GRM7: variants seen among roughly 807,000 people sequenced by gnomAD.
The protein encoded by GRM7 is glutamate metabotropic receptor 7.
In GRM7, 35 loss-of-function variants were observed where a neutral mutation model predicts 84.5. The observed-to-expected ratio is 0.41, with a 90% CI of 0.32 to 0.55. The LOEUF (loss-of-function observed/expected upper bound fraction) is 0.55, where lower values mean the gene tolerates loss of function less well. GRM7 is among the 20% of genes least tolerant of loss of function. The pLI, the probability that GRM7 is intolerant of heterozygous loss-of-function variation, is 0.19. For missense variants in GRM7, 1,003 were observed against 1,194.6 expected (o/e 0.84, Z 2.36); for synonymous variants, 487 against 455.1 (o/e 1.07, Z -0.89).
chr3:7,009,907 A>G (rs940274410), intron 1 of GRM7, among the ~76,000 whole-genome samples: 1 of 152,202 alleles, frequency 6.6e-6, no homozygotes, highest in Admixed American at 6.5e-5. Context: ...TCAGACTCCA[A>G]AATGTTAAGA....
At chr3:7,573,648 AT>A (rs1575511032) in intron 7 of GRM7, among the ~76,000 whole-genome samples, 1 of 152,180 alleles carries the variant, frequency 6.6e-6, no homozygotes, top group East Asian at 1.9e-4. Context: ...GCCAGACACC[AT>A]TTTTTCCCCC....
At chr3:6,967,364 T>G (rs1296237496) in intron 1 of GRM7, among the ~76,000 whole-genome samples, 1 of 151,980 alleles carries the variant, frequency 6.6e-6, no homozygotes, top group Non-Finnish European at 1.5e-5. Flanking sequence ...AGCTACTCCT[T>G]TTTGTGCGTT....
chr3:7,064,547 G>GGA (rs1559415618), intron 1 of GRM7, among the ~76,000 whole-genome samples: 1 of 84,152 alleles, frequency 1.2e-5, no homozygotes, highest in African/African-American at 6.0e-5. Flanking sequence ...CATCATGTAT[G>GGA]GATATATATA....
At chr3:7,043,177 C>T (rs530038718) in intron 1 of GRM7, among the ~76,000 whole-genome samples, 94 of 152,312 alleles carry the variant, frequency 6.2e-4, no homozygotes, top group Admixed American at 1.2e-3. Context: ...TCTTTCTTGG[C>T]TTCAGGCAGT....
At chr3:7,121,253 T>C (rs147642899) in intron 1 of GRM7, among the ~76,000 whole-genome samples, 103 of 152,268 alleles carry the variant, frequency 6.8e-4, no homozygotes, top group African/African-American at 2.2e-3. Flanking sequence ...TATTCACTGA[T>C]AGAAAGAAGA....
chr3:7,390,496 C>T (rs945741080), intron 4 of GRM7, among the ~76,000 whole-genome samples: 1 of 151,940 alleles, frequency 6.6e-6, no homozygotes, highest in African/African-American at 2.4e-5. Flanking sequence ...GATTCGGTCA[C>T]CTTATATAAT....
chr3:7,334,993 TAGACAGGTCATCAAGATAGAAAGTCA>T (rs148925661), intron 4 of GRM7, among the ~76,000 whole-genome samples: 5,914 of 152,180 alleles, frequency 0.039, 238 homozygotes, highest in African/African-American at 0.1. Flanking sequence ...TTGACAGCAC[TAGACAGGTCATCAAGATAGAAAGTCA>T]ACAAAGAAAC....
intron 1 of GRM7, among the ~76,000 whole-genome samples, chr3:6,866,009 C>A (rs911206538): frequency 1.3e-5 from 2 of 152,102 alleles, no homozygotes; most frequent in Non-Finnish European, 2.9e-5. Flanking sequence ...TTAAAAAGAG[C>A]AGAGGGAAGG....
intron 7 of GRM7, among the ~76,000 whole-genome samples, chr3:7,573,936 A>G (rs1694831907): frequency 1.3e-5 from 2 of 152,178 alleles, no homozygotes; most frequent in African/African-American, 2.4e-5. Context: ...CGTGACTGCA[A>G]TTAGTAGATG....
At chr3:6,898,976 C>T (rs554165400) in intron 1 of GRM7, among the ~76,000 whole-genome samples, 2 of 152,028 alleles carry the variant, frequency 1.3e-5, no homozygotes, top group Non-Finnish European at 2.9e-5. Flanking sequence ...TCTTGACTTC[C>T]ATCAATTTAC....
At chr3:7,702,326 G>A (rs1374339688) in intron 9 of GRM7, among the ~76,000 whole-genome samples, 3 of 152,178 alleles carry the variant, frequency 2.0e-5, no homozygotes, top group African/African-American at 7.2e-5. Context: ...AGTCTCCTGG[G>A]TGATGCCCAT....
chr3:7,488,946 G>T (rs1222567871), intron 7 of GRM7, among the ~76,000 whole-genome samples: 1 of 151,890 alleles, frequency 6.6e-6, no homozygotes, highest in South Asian at 2.1e-4. Context: ...TACATAGATG[G>T]TGACAGGGTG....
chr3:6,936,617 G>A lies in GRM7; in HGVS notation c.519+74710G>A, dbSNP rs190395703. ...AAATTGTTTATGCTGGAGTTGTTATGTGATTTTTCTCTCCTGATTGGACCC... is the reference window on the plus strand; with the variant it reads ...AAATTGTTTATGCTGGAGTTGTTATATGATTTTTCTCTCCTGATTGGACCC... On this transcript the variant is annotated intron_variant, in intron 1 of 9. Transcript: ENST00000357716. Among the ~76,000 whole-genome samples, 10 of 152,184 alleles carry A rather than the reference G, an allele frequency of 6.6e-5. No homozygotes were observed. The East Asian group carries it at 1.9e-3, about 29-fold the overall frequency.
chr3:7,552,924 C>T (rs544489530), intron 7 of GRM7, among the ~76,000 whole-genome samples: 4 of 152,324 alleles, frequency 2.6e-5, no homozygotes, highest in African/African-American at 9.6e-5. Context: ...CCTTGAATTT[C>T]TCCTCAGAAA....
chr3:7,540,474 A>G (rs1243423332), intron 7 of GRM7, among the ~76,000 whole-genome samples: 1 of 152,218 alleles, frequency 6.6e-6, no homozygotes, highest in South Asian at 2.1e-4. Flanking sequence ...AAGTAGCTAG[A>G]TACCCAAAAA....
chr3:7,551,793 G>T (rs1393569490), intron 7 of GRM7, among the ~76,000 whole-genome samples: 2 of 152,022 alleles, frequency 1.3e-5, no homozygotes, highest in Non-Finnish European at 2.9e-5. Context: ...TACATGGTAG[G>T]CTCGTGTATT....
intron 1 of GRM7, among the ~76,000 whole-genome samples, chr3:7,056,105 A>G (rs1278149168): frequency 1.3e-5 from 2 of 152,024 alleles, no homozygotes; most frequent in African/African-American, 4.8e-5. Flanking sequence ...GGAGAAAAAA[A>G]CACAGCAAGT....
intron 8 of GRM7, chr3:7,591,458 G>T (rs1208425178): frequency 2.2e-6 from 1 of 445,548 alleles, no homozygotes; most frequent in African/African-American, 2.0e-5. Context: ...TTTTAAGAAG[G>T]GTAGTTTTAT....
chr3:6,930,632 G>GA (rs144298140), intron 1 of GRM7, among the ~76,000 whole-genome samples: 4,884 of 152,030 alleles, frequency 0.032, 283 homozygotes, highest in African/African-American at 0.11. Context: ...TGCAGGTGGG[G>GA]AAAAAAACAA....
Sources: gnomAD v4.1 joint callset for allele counts (sites outside exome capture counted in the v4.1 genomes callset) on GRCh38, gnomAD v4.1.1 for gene constraint, MANE v1.5 for transcripts, NCBI Gene and HGNC (gene_info 2026-07-23, HGNC 2026-07-21) for gene names.